Variants in TMEM232 observed in about 807,000 individuals in gnomAD.
TMEM232 encodes the protein transmembrane protein 232.
A neutral mutation model predicts 78.8 loss-of-function variants in TMEM232; 80 were observed. The ratio of observed to expected loss-of-function variants is 1.01; its 90% CI spans 0.85 to 1.22. The LOEUF (loss-of-function observed/expected upper bound fraction) is 1.22, where lower values mean the gene tolerates loss of function less well. TMEM232 is among the 50% of genes most tolerant of loss of function. TMEM232 has a pLI of 0.00. For missense variants in TMEM232, 881 were observed against 742.2 expected (o/e 1.19, Z -2.17); for synonymous variants, 297 against 254.3 (o/e 1.17, Z -1.60).
At chr5:110,584,978 T>G (rs916287507) in intron 10 of TMEM232, among the ~76,000 whole-genome samples, 2 of 152,138 alleles carry the variant, frequency 1.3e-5, no homozygotes, top group African/African-American at 4.8e-5. Context: ...AACATTGCAT[T>G]ATTTCTGGTT....
intron 8 of TMEM232, among the ~76,000 whole-genome samples, chr5:110,612,333 G>A (rs1002871026): frequency 1.3e-5 from 2 of 152,118 alleles, no homozygotes; most frequent in Non-Finnish European, 2.9e-5. Context: ...CCTTGATACA[G>A]ACTAAGTTAT....
intron 4 of TMEM232, among the ~76,000 whole-genome samples, chr5:110,388,264 A>G (rs895411728): frequency 7.2e-5 from 11 of 151,970 alleles, no homozygotes; most frequent in African/African-American, 2.2e-4. Flanking sequence ...AACTTATTAT[A>G]CAAGTGGGCT....
chr5:110,650,029 C>T (rs1371378723), intron 2 of TMEM232, among the ~76,000 whole-genome samples: 2 of 151,936 alleles, frequency 1.3e-5, no homozygotes, highest in African/African-American at 4.8e-5. Context: ...ATGTACTGTA[C>T]TTAGAGGAGT....
At chr5:110,631,764 T>G (rs559967883) in intron 5 of TMEM232, among the ~76,000 whole-genome samples, 2 of 152,092 alleles carry the variant, frequency 1.3e-5, no homozygotes, top group Non-Finnish European at 2.9e-5. Context: ...GAAGACTGCA[T>G]TGTAGCCATC....
chr5:110,567,088 A>C (rs1776430600), intron 11 of TMEM232, among the ~76,000 whole-genome samples: 1 of 151,758 alleles, frequency 6.6e-6, no homozygotes, highest in Non-Finnish European at 1.5e-5. Context: ...CATGGGAAAA[A>C]ACCCACTCCC....
At chr5:110,688,232 T>C (rs1430638119) in intron 1 of TMEM232, among the ~76,000 whole-genome samples, 2 of 152,128 alleles carry the variant, frequency 1.3e-5, no homozygotes, top group Non-Finnish European at 2.9e-5. Context: ...TATAGATACA[T>C]AGAGACATAG....
At chr5:110,515,433 CCTAA>C (rs766513800) in intron 12 of TMEM232, among the ~76,000 whole-genome samples, 5 of 151,940 alleles carry the variant, frequency 3.3e-5, no homozygotes, top group African/African-American at 7.3e-5. Context: ...TTAGATGATA[CCTAA>C]CTGATTCATG....
At chr5:110,725,486 G>T (rs145463570) in intron 1 of TMEM232, 1 of 152,280 alleles carries the variant, frequency 6.6e-6, no homozygotes, top group African/African-American at 2.4e-5. Context: ...TCATAACAAT[G>T]AATGATTCTG....
intron 2 of TMEM232, among the ~76,000 whole-genome samples, chr5:110,643,647 C>A (rs1355535284): frequency 2.6e-5 from 4 of 151,848 alleles, no homozygotes; most frequent in African/African-American, 9.7e-5. Context: ...AAAGAATAAT[C>A]TGAAAAAATA....
intron 12 of TMEM232, among the ~76,000 whole-genome samples, chr5:110,515,581 T>A (rs1581026494): frequency 6.6e-6 from 1 of 152,198 alleles, no homozygotes; most frequent in African/African-American, 2.4e-5. Flanking sequence ...TTCCCCAAAC[T>A]CCAGCACCCC....
Position 110,533,748 on chromosome 5 carries a change from C to T in TMEM232, c.1456-4913G>A, listed in dbSNP as rs1389833357. On this transcript the variant is annotated intron_variant, in intron 11 of 13. Transcript: ENST00000455884. ...CTCATGACTGCATCTCTCTGATCTC[C>T]TGACGTTCACCCCATTTCCCCACAT... Among the ~76,000 whole-genome samples, 3 of 152,152 alleles carry T rather than the reference C, an allele frequency of 2.0e-5. No homozygotes were observed. In the East Asian group the frequency reaches 5.8e-4, roughly 29 times the overall value.
At chr5:110,390,928 C>T (rs1755153215) in intron 3 of TMEM232, among the ~76,000 whole-genome samples, 1 of 152,222 alleles carries the variant, frequency 6.6e-6, no homozygotes, top group South Asian at 2.1e-4. Context: ...AGAACTGGCA[C>T]CATTTCCTCC....
chr5:110,653,649 G>C (rs1580519313), intron 2 of TMEM232, among the ~76,000 whole-genome samples: 1 of 152,120 alleles, frequency 6.6e-6, no homozygotes. Flanking sequence ...ATGAATAATG[G>C]GATATGAGAA....
chr5:110,395,909 A>T (rs1336423633), intron 3 of TMEM232, among the ~76,000 whole-genome samples: 5 of 152,146 alleles, frequency 3.3e-5, no homozygotes, highest in African/African-American at 9.7e-5. Flanking sequence ...AACTGATGCA[A>T]CTATCTTACA....
chr5:110,482,766 A>G (rs1764020410), intron 12 of TMEM232, among the ~76,000 whole-genome samples: 1 of 151,866 alleles, frequency 6.6e-6, no homozygotes, highest in Non-Finnish European at 1.5e-5. Flanking sequence ...GAAAAGGAAC[A>G]ACAAAACAAG....
chr5:110,621,291 GAAGACC>G lies in TMEM232; in HGVS notation c.769-2735_769-2730del, dbSNP rs1461904735. On this transcript the variant is annotated intron_variant, in intron 7 of 13. Transcript: ENST00000455884. ...AATCATCACATATATCATCAGTGCA[GAAGACC>G]AAGAGTGAGCAATGTTGCTTACTCT... is the stretch of plus-strand genomic sequence containing the variant. Among the ~76,000 whole-genome samples the G allele has an allele frequency of 5.9e-5, 9 of 152,240 alleles. 1 individual carries two copies. Among genetic ancestry groups the G allele is most frequent in the East Asian group, 5.8e-4 (3 of 5,176 alleles).
intron 3 of TMEM232, among the ~76,000 whole-genome samples, chr5:110,641,358 T>C (rs921223035): frequency 6.6e-6 from 1 of 152,172 alleles, no homozygotes; most frequent in Non-Finnish European, 1.5e-5. Context: ...GAAGTGAGTT[T>C]GATGCCAGTT....
chr5:110,564,397 C>T (rs148546958), intron 11 of TMEM232, among the ~76,000 whole-genome samples: 4,782 of 151,896 alleles, frequency 0.031, 102 homozygotes, highest in African/African-American at 0.055. Context: ...TTCAAAATGG[C>T]TTTCTTTGAA....
chr5:110,660,254 T>G (rs139613412), intron 2 of TMEM232, among the ~76,000 whole-genome samples: 2,093 of 151,938 alleles, frequency 0.014, 20 homozygotes, highest in Middle Eastern at 0.037. Flanking sequence ...TAATGAAAAC[T>G]GTAAGAGAGT....
Sources: allele counts gnomAD v4.1 joint callset (sites outside exome capture counted in the v4.1 genomes callset), GRCh38; gene constraint gnomAD v4.1.1; transcripts MANE v1.5; gene names NCBI Gene and HGNC (gene_info 2026-07-23, HGNC 2026-07-21).